Variants in CDYL observed in about 807,000 individuals in gnomAD.
CDYL encodes the protein chromodomain Y like, also known as chromodomain Y-like protein.
CDYL carries 8 observed loss-of-function variants against 47.3 expected under a neutral mutation model. The observed-to-expected ratio is 0.17, with a 90% CI of 0.10 to 0.31. CDYL has a LOEUF of 0.31. Ranked by LOEUF, CDYL falls within the 10% of genes least tolerant of loss-of-function variation. The pLI, the probability that CDYL is intolerant of heterozygous loss-of-function variation, is 1.00. For missense variants in CDYL, 471 were observed against 701.4 expected, an observed-to-expected ratio of 0.67 and a Z score of 3.71; for synonymous variants, 266 against 265.0, an observed-to-expected ratio of 1.00 and a Z score of -0.04.
chr6:4,824,787 C>T (rs546035454), intron 1 of CDYL, among the ~76,000 whole-genome samples: 1 of 151,688 alleles, frequency 6.6e-6, no homozygotes, highest in African/African-American at 2.4e-5. Flanking sequence ...GTTTCTTTTT[C>T]AAGATTGTTT....
chr6:4,932,904 T>C (rs1349002085), intron 2 of CDYL, among the ~76,000 whole-genome samples: 1 of 152,186 alleles, frequency 6.6e-6, no homozygotes, highest in Non-Finnish European at 1.5e-5. Context: ...TTGTCTTTCA[T>C]TGTGTCCTGT....
At chr6:4,729,832 C>T (rs1757574228) in intron 2 of CDYL, among the ~76,000 whole-genome samples, 1 of 152,062 alleles carries the variant, frequency 6.6e-6, no homozygotes, top group Non-Finnish European at 1.5e-5. Flanking sequence ...GTGGGAGAAT[C>T]ACTTGGGCCT....
At chr6:4,759,564 G>C (rs1382061625) in intron 3 of CDYL, among the ~76,000 whole-genome samples, 2 of 151,828 alleles carry the variant, frequency 1.3e-5, no homozygotes, top group Non-Finnish European at 2.9e-5. Flanking sequence ...AATTAAAAGA[G>C]CCCATTGATC....
intron 1 of CDYL, among the ~76,000 whole-genome samples, chr6:4,713,910 A>G (rs1049652103): frequency 1.3e-5 from 2 of 152,168 alleles, no homozygotes; most frequent in Admixed American, 6.5e-5. Context: ...TTTTGGCTTA[A>G]CTAATATCTA....
rs183671446 is a variant in CDYL, at chr6:4,953,330, G to A, written c.1477-568G>A. ...ACCCGGGAGGCGGAGATTGCAGTGA[G>A]CGGAGATCCCGCCACTGCTGTCCAG... On this transcript the variant is annotated intron_variant, in intron 6 of 6. Transcript: ENST00000397588. 3.9e-3 allele frequency among the ~76,000 whole-genome samples: 597 copies of A among 151,914 alleles called. 12 individuals are homozygous for A. The highest frequency in any genetic ancestry group is 0.03 in the Admixed American group (460 of 15,274).
At chr6:4,898,252 G>A (rs900275876) in intron 2 of CDYL, among the ~76,000 whole-genome samples, 4 of 152,106 alleles carry the variant, frequency 2.6e-5, no homozygotes, top group African/African-American at 9.7e-5. Flanking sequence ...AGGCAGCAGT[G>A]CCCAGACCAG....
chr6:4,911,510 C>T (rs999254524), intron 2 of CDYL, among the ~76,000 whole-genome samples: 3 of 152,150 alleles, frequency 2.0e-5, no homozygotes, highest in African/African-American at 7.2e-5. Flanking sequence ...CCACTTTCTT[C>T]ACAATTGATA....
intron 1 of CDYL, among the ~76,000 whole-genome samples, chr6:4,862,525 G>T (rs1761200797): frequency 6.6e-6 from 1 of 152,080 alleles, no homozygotes; most frequent in African/African-American, 2.4e-5. Context: ...TTCCCTAAAA[G>T]TAACCTCTGA....
At chr6:4,808,639 G>A (rs958088425) in intron 1 of CDYL, among the ~76,000 whole-genome samples, 1 of 152,150 alleles carries the variant, frequency 6.6e-6, no homozygotes, top group African/African-American at 2.4e-5. Flanking sequence ...TATATATCAC[G>A]CATGGTTGCG....
chr6:4,865,885 C>G (rs892546952), intron 1 of CDYL, among the ~76,000 whole-genome samples: 2 of 152,126 alleles, frequency 1.3e-5, no homozygotes, highest in African/African-American at 4.8e-5. Flanking sequence ...GTAGATTGAT[C>G]AGAAATTACA....
intron 3 of CDYL, among the ~76,000 whole-genome samples, chr6:4,740,879 T>C (rs4263619): frequency 1 from 151,582 of 151,916 alleles, 75,627 homozygotes; most frequent in Middle Eastern, 1. Context: ...CTCCGCCTCC[T>C]GGGTTTAAAC....
chr6:4,754,785 T>C (rs746742814), intron 3 of CDYL, among the ~76,000 whole-genome samples: 1 of 152,248 alleles, frequency 6.6e-6, no homozygotes, highest in Non-Finnish European at 1.5e-5. Context: ...TTGAATGTCA[T>C]AAATATGTAC....
intron 1 of CDYL, among the ~76,000 whole-genome samples, chr6:4,791,435 A>G (rs1758913827): frequency 6.6e-6 from 1 of 152,236 alleles, no homozygotes; most frequent in Non-Finnish European, 1.5e-5. Flanking sequence ...TTTCTCAATT[A>G]GGGAGTGAAG....
At chr6:4,874,217 G>A (rs1761555047) in intron 1 of CDYL, among the ~76,000 whole-genome samples, 1 of 152,040 alleles carries the variant, frequency 6.6e-6, no homozygotes, top group Non-Finnish European at 1.5e-5. Flanking sequence ...TGCTTACTCA[G>A]AATTTGGTGG....
intron 1 of CDYL, among the ~76,000 whole-genome samples, chr6:4,829,847 AG>A (rs1760085728): frequency 6.6e-6 from 1 of 152,230 alleles, no homozygotes; most frequent in South Asian, 2.1e-4. Flanking sequence ...ACCAGGAACC[AG>A]GGACTTTCCC....
At chr6:4,900,255 ACT>A (rs1375576512) in intron 2 of CDYL, among the ~76,000 whole-genome samples, 10 of 152,072 alleles carry the variant, frequency 6.6e-5, no homozygotes, top group Non-Finnish European at 1.5e-4. Context: ...GTCTTGGAGA[ACT>A]CTCTATTTTA....
At chr6:4,867,820 T>C (rs1761364027) in intron 1 of CDYL, among the ~76,000 whole-genome samples, 1 of 151,722 alleles carries the variant, frequency 6.6e-6, no homozygotes, top group Non-Finnish European at 1.5e-5. Context: ...TTCCTTTTCT[T>C]CTGGAGTCAG....
chr6:4,854,758 G>C (rs895848361), intron 1 of CDYL, among the ~76,000 whole-genome samples: 6 of 152,154 alleles, frequency 3.9e-5, no homozygotes, highest in African/African-American at 1.4e-4. Flanking sequence ...CAGCCCCCAG[G>C]GTGACGTCGA....
chr6:4,947,750 C>T (rs1758568508), intron 5 of CDYL, among the ~76,000 whole-genome samples: 1 of 152,166 alleles, frequency 6.6e-6, no homozygotes, highest in African/African-American at 2.4e-5. Flanking sequence ...GTGCCAGCGT[C>T]CATGGAAGGG....
Sources: gnomAD v4.1 joint callset for allele counts (sites outside exome capture counted in the v4.1 genomes callset) on GRCh38, gnomAD v4.1.1 for gene constraint, MANE v1.5 for transcripts, NCBI Gene and HGNC (gene_info 2026-07-23, HGNC 2026-07-21) for gene names.